The following SPRR1B variants were observed in gnomAD, a reference collection of about 807,000 sequenced individuals.
The protein encoded by SPRR1B is small proline rich protein 1B, also known as cornifin-B.
A neutral mutation model predicts 1.2 loss-of-function variants in SPRR1B; 1 was observed. The ratio of observed to expected loss-of-function variants is 0.82; its 90% CI spans 0.29 to 3.89. The LOEUF is 3.89. Among genes scored for constraint, SPRR1B ranks in the 30% most tolerant of loss-of-function variants. The pLI is 0.18. For synonymous variants in SPRR1B, 37 were observed against 38.3 expected (o/e 0.97, Z 0.13); for missense variants, 102 against 106.0 (o/e 0.96, Z 0.17).
At chr1:153,031,554 C>T (rs978260705) in intron 1 of SPRR1B, among the ~76,000 whole-genome samples, 1 of 152,238 alleles carries the variant, frequency 6.6e-6, no homozygotes, top group African/African-American at 2.4e-5. Context: ...CCCAGGTCCA[C>T]AGCACTTACC....
intron 1 of SPRR1B, among the ~76,000 whole-genome samples, chr1:153,031,862 GT>G (rs1230182282): frequency 3.3e-5 from 5 of 152,164 alleles, no homozygotes; most frequent in Non-Finnish European, 7.4e-5. Context: ...GTGGAGTTTG[GT>G]TAGTGCTTGA....
Position 153,032,772 on chromosome 1 carries a change from T to A in SPRR1B, c.*157T>A. The A allele has an allele frequency of 7.6e-7, 1 of 1,317,042 alleles. No homozygotes were observed. The highest frequency in any genetic ancestry group is 1.0e-6 in the Non-Finnish European group (1 of 977,470). 81.6% of individuals were successfully genotyped at this position (1,317,042 alleles called of 1,614,324 possible). A position where few individuals can be genotyped will look rare whatever the true frequency, so the allele number is the denominator to read the frequency against. On this transcript the variant is annotated 3_prime_UTR_variant, in exon 2 of 2. Coordinates refer to ENST00000307098, the MANE Select transcript of SPRR1B (RefSeq NM_003125.3). ...TTCTTTCCTACACACTCTGAGTCTC[T>A]GAATGAAGCTGAAGGTCTTAGTACC... is the stretch of plus-strand genomic sequence containing the variant.
intron 1 of SPRR1B, among the ~76,000 whole-genome samples, chr1:153,031,527 T>A (rs1195088380): frequency 6.6e-6 from 1 of 152,196 alleles, no homozygotes; most frequent in Non-Finnish European, 1.5e-5. Flanking sequence ...AAGTTTGTAA[T>A]GGGATAATGA....
At chr1:153,031,910 G>A (rs1485079127) in intron 1 of SPRR1B, among the ~76,000 whole-genome samples, 1 of 152,084 alleles carries the variant, frequency 6.6e-6, no homozygotes. Flanking sequence ...AGACAGAGGA[G>A]AACTTGAGCC....
Position 153,032,330 on chromosome 1 carries a change from C to G in SPRR1B, c.-16C>G. ...AAATCATCTGTTCTGTGTCCAGGACCAGTCACTGTTGCAGCATGAGTTCCC... is the reference window on the plus strand; with the variant it reads ...AAATCATCTGTTCTGTGTCCAGGACGAGTCACTGTTGCAGCATGAGTTCCC... On this transcript the variant is annotated 5_prime_UTR_variant, in exon 2 of 2. Coordinates refer to ENST00000307098, the MANE Select transcript of SPRR1B (RefSeq NM_003125.3). 2.5e-6 allele frequency: 4 copies of G among 1,612,142 alleles called. No homozygotes were observed. The highest frequency in any genetic ancestry group is 3.4e-6 in the Non-Finnish European group (4 of 1,178,978).
chr1:153,032,463 C>G lies in SPRR1B; in HGVS notation c.118C>G (p.Pro40Ala). 1 of 1,613,392 alleles carries G rather than the reference C, an allele frequency of 6.2e-7. No homozygotes were observed. The highest frequency in any genetic ancestry group is 1.1e-5 in the South Asian group (1 of 91,050). The change falls in exon 2 of 2, where the codon CCC (proline) becomes GCC (alanine). Residue 40 changes from proline (P) to alanine (A), a missense_variant. By Grantham distance (27) the Pro-to-Ala change is conservative (BLOSUM62 -1). Coordinates refer to ENST00000307098, the MANE Select transcript of SPRR1B (RefSeq NM_003125.3). ...ACCATGCATCCCCAAAACCAAGGAG[C>G]CCTGCCACCCCAAGGTGCCTGAGCC... ...QEPCIPKTKE[P>A]CHPKVPEPCH...
At chr1:153,031,429 G>A (rs1183690673) in intron 1 of SPRR1B, among the ~76,000 whole-genome samples, 182 bp downstream of exon 1, 1 of 152,072 alleles carries the variant, frequency 6.6e-6, no homozygotes. Flanking sequence ...CATACTGTAG[G>A]CTTGAAGAGA....
chr1:153,032,196 T>C, intron 1 of SPRR1B, 131 bp from the exon 2 acceptor site: 1 of 1,219,428 alleles, frequency 8.2e-7, no homozygotes, highest in Non-Finnish European at 1.1e-6. Flanking sequence ...CTTCAAAGGC[T>C]CAGAAATTAA....
chr1:153,031,388 C>T (rs1434290674), intron 1 of SPRR1B, 141 bp downstream of exon 1: 1 of 152,118 alleles, frequency 6.6e-6, no homozygotes, highest in African/African-American at 2.4e-5. Flanking sequence ...TGAATTATAA[C>T]CTCTAGGAAT....
chr1:153,032,547 A>C lies in SPRR1B; in HGVS notation c.202A>C (p.Lys68Gln), dbSNP rs763491150. The change falls in exon 2 of 2, where the codon AAG becomes CAG. Residue 68 changes from lysine to glutamine, a missense_variant. Coordinates refer to ENST00000307098, the MANE Select transcript of SPRR1B (RefSeq NM_003125.3). ...CAAGGTTCCAGAGCCATGCCACCCCAAGGTGCCTGAGCCCTGCCCTTCAAT... is the reference window on the plus strand; with the variant it reads ...CAAGGTTCCAGAGCCATGCCACCCCCAGGTGCCTGAGCCCTGCCCTTCAAT... The part of the protein sequence containing the change: ...QPKVPEPCHP[K>Q]VPEPCPSIVT... 2.6e-4 allele frequency: 415 copies of C among 1,611,616 alleles called. 3 individuals are homozygous for C. In the Admixed American group the frequency reaches 6.8e-3, roughly 26 times the overall value.
intron 1 of SPRR1B, among the ~76,000 whole-genome samples, chr1:153,031,931 T>C (rs1653719208): frequency 6.6e-6 from 1 of 152,062 alleles, no homozygotes; most frequent in African/African-American, 2.4e-5. Context: ...AGGCCACAGG[T>C]GGGATTGCTT....
chr1:153,032,674 A>G lies in SPRR1B; in HGVS notation c.*59A>G, dbSNP rs1371894313. The G allele has an allele frequency of 2.7e-5, 42 of 1,579,342 alleles. No individual in the cohort carries two copies. The highest frequency in any genetic ancestry group is 3.5e-5 in the Non-Finnish European group (41 of 1,162,666). ...CACCAGATGCTGAATCCCCTATCCC[A>G]TTCTGCGTATGAGTCCCATTTGCCT... On this transcript the variant is annotated 3_prime_UTR_variant, in exon 2 of 2. Coordinates refer to ENST00000307098, the MANE Select transcript of SPRR1B (RefSeq NM_003125.3).
At position 153,032,728 on chromosome 1, in the gene SPRR1B, A is replaced by G. The variant is rs767268652; in HGVS notation, c.*113A>G. ...AATTAGCATTCTGTCTCCCCCAAAA[A>G]AGAATGTGCTATGAAGCTTTCTTTC... On this transcript the variant is annotated 3_prime_UTR_variant, in exon 2 of 2. Transcript: ENST00000307098. 16 of 1,495,312 alleles carry G rather than the reference A, an allele frequency of 1.1e-5. No individual in the cohort carries two copies. Among genetic ancestry groups the G allele is most frequent in the Admixed American group, 4.8e-5 (2 of 42,080 alleles). The allele number at this position is 1,495,312 out of a possible 1,614,324, so 92.6% of individuals were successfully genotyped here. A position where few individuals can be genotyped will look rare whatever the true frequency, so the allele number is the denominator to read the frequency against.
intron 1 of SPRR1B, among the ~76,000 whole-genome samples, chr1:153,031,693 A>G (rs187359850): frequency 2.0e-5 from 3 of 152,352 alleles, no homozygotes; most frequent in African/African-American, 4.8e-5. Context: ...CATCTATGAT[A>G]CTACAATTTA....
Position 153,032,631 on chromosome 1 carries a change from T to G in SPRR1B, c.*16T>G. On this transcript the variant is annotated 3_prime_UTR_variant, in exon 2 of 2. Transcript: ENST00000307098. ...GCAGAAGTAATGTGGTCCACAGCCA[T>G]GCCCTTGAGGAGCCGGCCACCAGAT... 1.2e-6 allele frequency: 2 copies of G among 1,610,522 alleles called. No homozygotes were observed. Among genetic ancestry groups the G allele is most frequent in the Non-Finnish European group, 1.7e-6 (2 of 1,177,574 alleles).
rs911394728 is a variant in SPRR1B at position 153,032,681 on chromosome 1, G to T, written c.*66G>T. 3.9e-6 allele frequency: 6 copies of T among 1,554,278 alleles called. No homozygotes were observed. The highest frequency in any genetic ancestry group is 5.2e-6 in the Non-Finnish European group (6 of 1,151,486). On this transcript the variant is annotated 3_prime_UTR_variant, in exon 2 of 2. Coordinates refer to ENST00000307098, the MANE Select transcript of SPRR1B (RefSeq NM_003125.3). ...TGCTGAATCCCCTATCCCATTCTGC[G>T]TATGAGTCCCATTTGCCTTGCAATT...
At chr1:153,031,344 T>C (rs140761269) in intron 1 of SPRR1B, 97 bp downstream of exon 1, 1 of 152,258 alleles carries the variant, frequency 6.6e-6, no homozygotes, top group Non-Finnish European at 1.5e-5. Flanking sequence ...TCCCTCATTA[T>C]TGAATTTGAT....
Position 153,032,406 on chromosome 1 carries a change from G to A in SPRR1B, c.61G>A (p.Val21Met), listed in dbSNP as rs765615565. 3 of 1,613,926 alleles carry A rather than the reference G, an allele frequency of 1.9e-6. No homozygotes were observed. In the Admixed American group the frequency reaches 5.0e-5, roughly 27 times the overall value. The part of the protein sequence containing the change: ...TPPPQLQQQQ[V>M]KQPCQPPPQE... ...ACCCCCTCAGCTTCAGCAGCAGCAG[G>A]TGAAACAGCCTTGCCAGCCTCCACC... The change falls in exon 2 of 2, where the codon GTG (valine) becomes ATG (methionine). Residue 21 changes from valine to methionine, a missense_variant. Coordinates refer to ENST00000307098, the MANE Select transcript of SPRR1B (RefSeq NM_003125.3).
At chr1:153,032,158 A>T (rs1463847568) in intron 1 of SPRR1B, among the ~76,000 whole-genome samples, 169 bp from the exon 2 acceptor site, 1 of 152,190 alleles carries the variant, frequency 6.6e-6, no homozygotes, top group Non-Finnish European at 1.5e-5. Context: ...CCAGTGGAGC[A>T]AGAGCAAATC....
Sources: gnomAD v4.1 joint callset for allele counts (sites outside exome capture counted in the v4.1 genomes callset) on GRCh38, gnomAD v4.1.1 for gene constraint, MANE v1.5 for transcripts, NCBI Gene and HGNC (gene_info 2026-07-23, HGNC 2026-07-21) for gene names.